The following ARAP2 variants were observed in gnomAD, a reference collection of about 807,000 sequenced individuals.
The protein encoded by ARAP2 is ArfGAP with RhoGAP domain, ankyrin repeat and PH domain 2.
ARAP2 carries 148 observed loss-of-function variants against 194.5 expected under a neutral mutation model. The observed-to-expected ratio is 0.76, with a 90% CI of 0.67 to 0.87. ARAP2 has a LOEUF of 0.87. Among genes scored for constraint, ARAP2 ranks in the 40% least tolerant of loss-of-function variants. ARAP2 has a pLI of 0.00. For missense variants in ARAP2, 2,128 were observed against 1,989.7 expected (o/e 1.07, Z -1.32); for synonymous variants, 695 against 683.5 (o/e 1.02, Z -0.26).
intron 27 of ARAP2, among the ~76,000 whole-genome samples, chr4:36,105,118 G>A (rs113875275): frequency 0.023 from 3,474 of 152,008 alleles, 60 homozygotes; most frequent in African/African-American, 0.053. Context: ...TCAGCAATTC[G>A]AGACCAGCCT....
At chr4:36,107,425 C>G (rs1031079741) in intron 27 of ARAP2, 140 bp downstream of exon 27, 11 of 783,778 alleles carry the variant, frequency 1.4e-5, no homozygotes, top group Non-Finnish European at 2.0e-5. Flanking sequence ...ATTCTTCTTT[C>G]TTATATATGT....
chr4:36,219,222 T>G lies in ARAP2; in HGVS notation c.906-4742A>C, dbSNP rs868063016. The stretch of plus-strand genomic sequence containing the variant: ...ATGACACAGCAATCCTACTCCTAGG[T>G]CTGTACTCAACGGCCATGCATACAA... On this transcript the variant is annotated intron_variant, in intron 2 of 32. Coordinates refer to ENST00000303965, the MANE Select transcript of ARAP2 (RefSeq NM_015230.4). 5.3e-5 allele frequency among the ~76,000 whole-genome samples: 8 copies of G among 152,242 alleles called. No homozygotes were observed. The Middle Eastern group carries it at 0.017, about 324-fold the overall frequency.
chr4:36,224,301 T>TA (rs11391127), intron 2 of ARAP2, among the ~76,000 whole-genome samples: 74,790 of 145,804 alleles, frequency 0.51, 19,916 homozygotes, highest in African/African-American at 0.66. Context: ...AGAGTGAAAT[T>TA]AAAAAAAAAA....
intron 5 of ARAP2, among the ~76,000 whole-genome samples, chr4:36,040,253 G>A (rs1199360455): frequency 6.6e-6 from 1 of 152,154 alleles, no homozygotes; most frequent in Non-Finnish European, 1.5e-5. Context: ...AGAGTGGGAT[G>A]AGCAAAACAA....
At chr4:36,036,635 C>G (rs962230795) in intron 5 of ARAP2, among the ~76,000 whole-genome samples, 1 of 151,924 alleles carries the variant, frequency 6.6e-6, no homozygotes, top group Admixed American at 6.6e-5. Context: ...GAATTACGTC[C>G]TTCAGTTATA....
At chr4:36,125,040 T>C (rs1723563413) in intron 21 of ARAP2, 73 bp from the exon 22 acceptor site, 5 of 961,902 alleles carry the variant, frequency 5.2e-6, no homozygotes, top group African/African-American at 3.3e-5. Context: ...ATCAGCAGTA[T>C]TGTAAAACAG....
chr4:36,136,061 A>G (rs1182676929), intron 19 of ARAP2, among the ~76,000 whole-genome samples: 1 of 151,840 alleles, frequency 6.6e-6, no homozygotes, highest in Non-Finnish European at 1.5e-5. Context: ...ATCCTAAAAT[A>G]TATATGTAGT....
In ARAP2 at chr4:36,080,274, A is replaced by G; in HGVS notation, c.4550T>C (p.Leu1517Pro). Residue 1517 changes from leucine (L) to proline (P), a missense_variant, in exon 31 of 33, where the codon CTG becomes CCG. Transcript: ENST00000303965. ...CTGAGTTCGTGAACTATCACAACAC[A>G]GGTGCCTGCAAAACGAGGTTTATAA... Reference protein sequence around the residue: ...TAYSEKHHWHLCCDSSRTQTE... With the variant: ...TAYSEKHHWHPCCDSSRTQTE... 1 of 1,612,370 alleles carries G rather than the reference A, an allele frequency of 6.2e-7. No homozygotes were observed. The highest frequency in any genetic ancestry group is 8.5e-7 in the Non-Finnish European group (1 of 1,178,792).
chr4:36,040,425 C>T (rs1295193544), intron 5 of ARAP2, among the ~76,000 whole-genome samples: 1 of 152,154 alleles, frequency 6.6e-6, no homozygotes, highest in Admixed American at 6.5e-5. Context: ...CGGTAAATTG[C>T]TTTGCATGGT....
chr4:36,205,655 C>T (rs1464736554), intron 6 of ARAP2, among the ~76,000 whole-genome samples: 1 of 151,454 alleles, frequency 6.6e-6, no homozygotes, highest in Non-Finnish European at 1.5e-5. Context: ...AGAGTGAGGC[C>T]CAAAGTTACC....
intron 5 of ARAP2, among the ~76,000 whole-genome samples, chr4:36,211,890 C>T (rs73128479): frequency 0.027 from 4,143 of 151,908 alleles, 174 homozygotes; most frequent in African/African-American, 0.094. Flanking sequence ...TGCCAGTATG[C>T]CAAGTTCCAA....
chr4:36,127,464 C>T (rs1724229325), intron 21 of ARAP2, among the ~76,000 whole-genome samples: 1 of 151,916 alleles, frequency 6.6e-6, no homozygotes, highest in African/African-American at 2.4e-5. Context: ...TAGGGTCATT[C>T]TTGGGATAAT....
At chr4:36,188,109 GAATA>G (rs1412169517) in intron 7 of ARAP2, among the ~76,000 whole-genome samples, 1 of 151,896 alleles carries the variant, frequency 6.6e-6, no homozygotes, top group African/African-American at 2.4e-5. Context: ...AATGAATAAA[GAATA>G]AAAAAAGACA....
At chr4:36,040,452 T>C (rs1720656927) in intron 5 of ARAP2, among the ~76,000 whole-genome samples, 1 of 152,224 alleles carries the variant, frequency 6.6e-6, no homozygotes, top group East Asian at 1.9e-4. Flanking sequence ...ATTTTAATGA[T>C]ATTGATTCTT....
intron 27 of ARAP2, among the ~76,000 whole-genome samples, chr4:36,101,490 T>C (rs1716923469): frequency 6.6e-6 from 1 of 151,936 alleles, no homozygotes; most frequent in Admixed American, 6.6e-5. Flanking sequence ...CATTGAATTA[T>C]AATAAACATT....
chr4:36,141,234 T>C (rs916798507), intron 19 of ARAP2, among the ~76,000 whole-genome samples: 1 of 151,426 alleles, frequency 6.6e-6, no homozygotes, highest in Non-Finnish European at 1.5e-5. Context: ...TTTGACAATA[T>C]TATTTTTTTA....
intron 2 of ARAP2, among the ~76,000 whole-genome samples, chr4:36,221,315 T>A (rs1162030986): frequency 6.6e-6 from 1 of 152,100 alleles, no homozygotes; most frequent in Admixed American, 6.6e-5. Context: ...GACTCATGCA[T>A]GTGTATACAC....
At chr4:36,010,387 T>C (rs1188631107) in intron 9 of ARAP2, among the ~76,000 whole-genome samples, 1 of 152,056 alleles carries the variant, frequency 6.6e-6, no homozygotes, top group African/African-American at 2.4e-5. Context: ...TACTATGAAT[T>C]AGCATGCTTT....
At chr4:36,243,017 G>A (rs566484528) in intron 1 of ARAP2, among the ~76,000 whole-genome samples, 2 of 151,496 alleles carry the variant, frequency 1.3e-5, no homozygotes, top group East Asian at 1.9e-4. Flanking sequence ...TTCTTTAAAC[G>A]TTGTTGGACA....
Sources: gnomAD v4.1 joint callset for allele counts (sites outside exome capture counted in the v4.1 genomes callset) on GRCh38, gnomAD v4.1.1 for gene constraint, MANE v1.5 for transcripts, NCBI Gene and HGNC (gene_info 2026-07-23, HGNC 2026-07-21) for gene names.